ADAMTSL1: variants seen among roughly 807,000 people sequenced by gnomAD.
ADAMTSL1 encodes the protein ADAMTS like 1.
In ADAMTSL1, 126 loss-of-function variants were observed where a neutral mutation model predicts 201.8. That is an observed-to-expected ratio of 0.62 (90% CI 0.54 to 0.72). The LOEUF is 0.72. Ranked by LOEUF, ADAMTSL1 falls within the 30% of genes least tolerant of loss-of-function variation. ADAMTSL1 has a pLI of 0.00. For missense variants in ADAMTSL1, 2,679 were observed against 2,277.8 expected (o/e 1.18, Z -3.59); for synonymous variants, 1,121 against 903.4 (o/e 1.24, Z -4.32).
At chr9:18,201,885 G>A (rs1041701130) in intron 2 of ADAMTSL1, among the ~76,000 whole-genome samples, 1 of 151,966 alleles carries the variant, frequency 6.6e-6, no homozygotes, top group Non-Finnish European at 1.5e-5. Flanking sequence ...CATTCATTGT[G>A]GATGATATGT....
At chr9:18,138,290 A>G (rs1287312556) in intron 1 of ADAMTSL1, among the ~76,000 whole-genome samples, 1 of 152,182 alleles carries the variant, frequency 6.6e-6, no homozygotes, top group Non-Finnish European at 1.5e-5. Context: ...ACTGTGTTTC[A>G]GGTTTTAAAC....
chr9:18,641,141 C>G (rs1016447363), intron 7 of ADAMTSL1, among the ~76,000 whole-genome samples: 1 of 151,990 alleles, frequency 6.6e-6, no homozygotes, highest in Non-Finnish European at 1.5e-5. Context: ...GGATGCTGTG[C>G]CCTCTACCTG....
intron 1 of ADAMTSL1, among the ~76,000 whole-genome samples, chr9:18,120,734 C>T (rs1015822702): frequency 2.0e-5 from 3 of 151,954 alleles, no homozygotes; most frequent in African/African-American, 7.3e-5. Context: ...TAAACAGATA[C>T]CCAGATAATT....
intron 23 of ADAMTSL1, among the ~76,000 whole-genome samples, chr9:18,833,083 A>T (rs146127452): frequency 1.3e-5 from 2 of 152,120 alleles, no homozygotes; most frequent in African/African-American, 4.8e-5. Context: ...CACTGCTACA[A>T]CTCTCCAAAG....
intron 16 of ADAMTSL1, among the ~76,000 whole-genome samples, chr9:18,761,950 C>T (rs1563776454): frequency 6.6e-6 from 1 of 152,230 alleles, no homozygotes; most frequent in Non-Finnish European, 1.5e-5. Flanking sequence ...CCCACTGCTG[C>T]CTTACTGCAA....
chr9:17,982,493 T>C (rs969854647), intron 1 of ADAMTSL1, among the ~76,000 whole-genome samples: 2 of 152,034 alleles, frequency 1.3e-5, no homozygotes, highest in African/African-American at 4.8e-5. Context: ...ACGCTTGTAG[T>C]CCCATCTACT....
At chr9:18,053,438 A>C (rs1822029296) in intron 1 of ADAMTSL1, among the ~76,000 whole-genome samples, 1 of 152,248 alleles carries the variant, frequency 6.6e-6, no homozygotes, top group African/African-American at 2.4e-5. Context: ...AAATTATATG[A>C]AAATTGGTTC....
chr9:18,100,563 T>C (rs1024604753), intron 1 of ADAMTSL1, among the ~76,000 whole-genome samples: 3 of 152,234 alleles, frequency 2.0e-5, no homozygotes, highest in African/African-American at 7.2e-5. Flanking sequence ...GAAGCTTGAT[T>C]TCTGAAACTT....
intron 1 of ADAMTSL1, among the ~76,000 whole-genome samples, chr9:17,977,389 C>G (rs1755274): frequency 6.6e-6 from 1 of 151,992 alleles, no homozygotes; most frequent in Non-Finnish European, 1.5e-5. Context: ...AGAAGGATTG[C>G]TATTAGTTAT....
At chr9:18,906,088 C>T (rs1177955916) in intron 27 of ADAMTSL1, among the ~76,000 whole-genome samples, 197 bp downstream of exon 27, 1 of 152,166 alleles carries the variant, frequency 6.6e-6, no homozygotes, top group Non-Finnish European at 1.5e-5. Flanking sequence ...ATCTAATGGG[C>T]TAGGCTGGGC....
intron 1 of ADAMTSL1, among the ~76,000 whole-genome samples, chr9:17,986,271 C>T (rs759841691): frequency 6.6e-6 from 1 of 152,114 alleles, no homozygotes. Flanking sequence ...TCTTTAACAG[C>T]CTTTCTGCAA....
At chr9:17,928,336 G>T (rs549204823) in intron 1 of ADAMTSL1, among the ~76,000 whole-genome samples, 102 of 152,194 alleles carry the variant, frequency 6.7e-4, no homozygotes, top group African/African-American at 2.3e-3. Context: ...CCTGCCTCTT[G>T]AGACTTCTAG....
rs146700014 is a variant in ADAMTSL1, at chr9:18,236,354, G to A, written c.207+72373G>A. On this transcript the variant is annotated intron_variant, in intron 2 of 29. Coordinates refer to the ADAMTSL1 transcript ENST00000680146. ...CTCCCAAAGTGCTGGGATTACAGGCGTGAGCCACCACGCATGGCCTGTCTG... is the reference window on the plus strand; with the variant it reads ...CTCCCAAAGTGCTGGGATTACAGGCATGAGCCACCACGCATGGCCTGTCTG... 7.4e-3 allele frequency among the ~76,000 whole-genome samples: 1,124 copies of A among 152,316 alleles called. 11 individuals carry two copies. Among genetic ancestry groups the A allele is most frequent in the African/African-American group, 0.026 (1,073 of 41,564 alleles).
chr9:18,346,081 T>A (rs573331780), intron 2 of ADAMTSL1, among the ~76,000 whole-genome samples: 1 of 152,330 alleles, frequency 6.6e-6, no homozygotes, highest in South Asian at 2.1e-4. Flanking sequence ...TGACCCTGTA[T>A]GCTACACATC....
chr9:18,828,312 C>G (rs138753645), intron 22 of ADAMTSL1, among the ~76,000 whole-genome samples: 29 of 152,150 alleles, frequency 1.9e-4, no homozygotes, highest in Middle Eastern at 6.8e-3. Flanking sequence ...GAGGGGCCAA[C>G]AATTGGCCCA....
At chr9:18,652,774 A>T (rs1398388229) in intron 7 of ADAMTSL1, among the ~76,000 whole-genome samples, 1 of 152,190 alleles carries the variant, frequency 6.6e-6, no homozygotes, top group Non-Finnish European at 1.5e-5. Flanking sequence ...ATATAACCCC[A>T]TTGTAAGTTG....
At chr9:17,934,202 C>A (rs777263969) in intron 1 of ADAMTSL1, among the ~76,000 whole-genome samples, 4 of 152,092 alleles carry the variant, frequency 2.6e-5, no homozygotes, top group Non-Finnish European at 5.9e-5. Context: ...GGTAAGATGG[C>A]ATCAAAGTCT....
At chr9:18,036,907 A>G (rs970708560) in intron 1 of ADAMTSL1, among the ~76,000 whole-genome samples, 1 of 152,144 alleles carries the variant, frequency 6.6e-6, no homozygotes, top group Non-Finnish European at 1.5e-5. Context: ...TGCCTAGAGG[A>G]ACACCCTACC....
At chr9:18,623,642 G>C (rs149617013) in intron 5 of ADAMTSL1, among the ~76,000 whole-genome samples, 1 of 152,176 alleles carries the variant, frequency 6.6e-6, no homozygotes, top group Non-Finnish European at 1.5e-5. Flanking sequence ...ATTAATCTGA[G>C]GCATTTTATG....
Sources: gnomAD v4.1 joint callset for allele counts (sites outside exome capture counted in the v4.1 genomes callset) on GRCh38, gnomAD v4.1.1 for gene constraint, MANE v1.5 for transcripts, NCBI Gene and HGNC (gene_info 2026-07-23, HGNC 2026-07-21) for gene names.